FMNL1: variants seen among roughly 807,000 people sequenced by gnomAD.
The protein encoded by FMNL1 is formin like 1.
FMNL1 carries 43 observed loss-of-function variants against 121.3 expected under a neutral mutation model. The observed-to-expected ratio is 0.35, with a 90% CI of 0.28 to 0.46. The LOEUF (loss-of-function observed/expected upper bound fraction) is 0.46. Among genes scored for constraint, FMNL1 ranks in the 20% least tolerant of loss-of-function variants. FMNL1 has a pLI of 1.00. For synonymous variants in FMNL1, 613 were observed against 613.5 expected (o/e 1.00, Z 0.01); for missense variants, 1,191 against 1,482.4 (o/e 0.80, Z 3.23).
chr17:45,243,962 G>A lies in FMNL1; in HGVS notation c.2385G>A (p.Pro795=), dbSNP rs368624234. Residue 795 remains proline (P), a synonymous_variant, in exon 18 of 27, where the codon CCG becomes CCA. Transcript: ENST00000331495. ...MLCFSRIPRL[P]ERMTTLTFLG... is the part of the protein sequence containing the mutation. ...GCTTCAGCCGCATCCCGCGCCTGCCGGAGCGCATGACCACACTCACCTTCC... is the reference window on the plus strand; with the variant it reads ...GCTTCAGCCGCATCCCGCGCCTGCCAGAGCGCATGACCACACTCACCTTCC... 6 of 1,613,108 alleles carry A rather than the reference G, an allele frequency of 3.7e-6. No individual in the cohort carries two copies. The highest frequency in any genetic ancestry group is 1.7e-5 in the Admixed American group (1 of 60,004).
At chr17:45,224,157 C>T (rs1013915158) in intron 1 of FMNL1, among the ~76,000 whole-genome samples, 72 of 152,136 alleles carry the variant, frequency 4.7e-4, no homozygotes, top group African/African-American at 1.6e-3. Context: ...ACCTTCTTCC[C>T]GGGGTGGCTC....
In FMNL1 at chr17:45,243,904, A is replaced by T. The variant is rs531139502; in HGVS notation, c.2327A>T (p.Glu776Val). ...TTTGAGCGGGAGCAGCGGCCAATGG[A>T]GGAGCTGTCAGAGGAGGACCGCTTC... ...TRFEREQRPM[E>V]ELSEEDRFML... Residue 776 changes from glutamate to valine, a missense_variant, in exon 18 of 27, where the codon GAG (glutamate) becomes GTG (valine). This residue lies in a region of FMNL1 where 367 missense variants were observed against 528.6 expected (regional missense o/e 0.69). Transcript: ENST00000331495. 6.2e-7 allele frequency: 1 copy of T among 1,613,940 alleles called. No homozygotes were observed. Among genetic ancestry groups the T allele is most frequent in the Non-Finnish European group, 8.5e-7 (1 of 1,180,042 alleles).
At position 45,240,682 on chromosome 17, in the gene FMNL1, C is replaced by T. The variant is rs995792848; in HGVS notation, c.1230+57C>T. The T allele has an allele frequency of 1.4e-5, 22 of 1,565,966 alleles. No homozygotes were observed. The African/African-American group carries it at 3.0e-4, about 21-fold the overall frequency. On this transcript the variant is annotated intron_variant, in intron 12 of 26. Coordinates refer to ENST00000331495, the MANE Select transcript of FMNL1 (RefSeq NM_005892.4). Reference sequence around the variant, plus strand: ...ATCATAGGCCCACAGGGCACACGGGCCACAGGGCCACGCAAGCATGGGCAC... The same window carrying T: ...ATCATAGGCCCACAGGGCACACGGGTCACAGGGCCACGCAAGCATGGGCAC...
intron 22 of FMNL1, 49 bp downstream of exon 22, chr17:45,245,465 G>C: frequency 6.2e-7 from 1 of 1,612,892 alleles, no homozygotes. Context: ...AGGAGCACTA[G>C]ATAGCACAGC....
chr17:45,242,020 C>CT lies in FMNL1; in HGVS notation c.1759_1760insT (p.Pro587LeufsTer12). On this transcript the variant is annotated frameshift_variant, in exon 15 of 27. Transcript: ENST00000331495. LOFTEE classifies it high-confidence loss of function. ...GCCGCTGCCCGGAGACCTGCCGCCC[C>CT]CACCCCCGCCACCGCCACCACCTCC... 1.5e-6 allele frequency: 2 copies of CT among 1,346,902 alleles called. No homozygotes were observed. Among genetic ancestry groups the CT allele is most frequent in the Non-Finnish European group, 1.9e-6 (2 of 1,049,652 alleles). The allele number at this position is 1,346,902 out of a possible 1,614,324, so 83.4% of individuals were successfully genotyped here.
Position 45,241,894 on chromosome 17 carries a change from C to G in FMNL1, c.1633C>G (p.Pro545Ala). ...GGCTCCCGGAGCAGCGCCACCGCCG[C>G]CGCCCCCACTGCCCGGCCTCCCCTC... Reference protein sequence around the residue: ...EPAPGAAPPPPPPLPGLPSPQ... With the variant: ...EPAPGAAPPPAPPLPGLPSPQ... Residue 545 changes from proline to alanine, a missense_variant, in exon 15 of 27, where the codon CCG becomes GCG. By Grantham distance (27) the Pro-to-Ala change is conservative. This residue lies in a region of FMNL1 where 519 missense variants were observed against 492.8 expected (regional missense o/e 1.05). Coordinates refer to ENST00000331495, the MANE Select transcript of FMNL1 (RefSeq NM_005892.4). This position sits in a 1 kb window ranked among gnomAD's most constrained non-coding sequence, Gnocchi z 7.0. 7.0e-7 allele frequency: 1 copy of G among 1,424,632 alleles called. No homozygotes were observed. Among genetic ancestry groups the G allele is most frequent in the Non-Finnish European group, 9.1e-7 (1 of 1,097,964 alleles). The allele number at this position is 1,424,632 out of a possible 1,614,324, so 88.2% of individuals were successfully genotyped here. A position where few individuals can be genotyped will look rare whatever the true frequency, so the allele number is the denominator to read the frequency against.
In FMNL1 at chr17:45,231,944, C is replaced by T. The variant is rs771388607; in HGVS notation, c.214-423C>T. Among the ~76,000 whole-genome samples the T allele has an allele frequency of 1.3e-5, 2 of 152,182 alleles. No homozygotes were observed. Among genetic ancestry groups the T allele is most frequent in the Non-Finnish European group, 2.9e-5 (2 of 68,026 alleles). ...GACCCCTGCATAGTCCACCCCAAAG[C>T]TGTGTCAGGGCTGTGGCCTGGGAGC... is the stretch of plus-strand genomic sequence containing the variant. On this transcript the variant is annotated intron_variant, in intron 2 of 26. Transcript: ENST00000331495. This position sits in a 1 kb window ranked among gnomAD's most constrained non-coding sequence, Gnocchi z 4.7.
Position 45,244,011 on chromosome 17 carries a change from C to T in FMNL1, c.2434C>T (p.Gln812Ter). ...TFLGNFPDTA[Q>*]LLMPQLNAII... ...CCTGGGCAACTTCCCGGACACAGCC[C>T]AGCTGCTCATGCCGGTGTGGGCGGA... The change falls in exon 18 of 27, where the codon CAG (glutamine) becomes TAG (stop). Residue 812 changes from glutamine to a stop codon, truncating the protein, a stop_gained. Transcript: ENST00000331495. LOFTEE classifies it high-confidence loss of function. The T allele has an allele frequency of 6.2e-7, 1 of 1,609,750 alleles. No homozygotes were observed. Among genetic ancestry groups the T allele is most frequent in the Non-Finnish European group, 8.5e-7 (1 of 1,178,656 alleles).
Position 45,240,625 on chromosome 17 carries a change from G to A in FMNL1, c.1230G>A (p.Leu410=), listed in dbSNP as rs775600641. 1.9e-6 allele frequency: 3 copies of A among 1,612,518 alleles called. No individual in the cohort carries two copies. The Admixed American group carries it at 5.0e-5, about 27-fold the overall frequency. The change falls in exon 12 of 27, where the codon CTG becomes CTA. Residue 410 remains leucine (L), a splice_region_variant and synonymous_variant. Coordinates refer to ENST00000331495, the MANE Select transcript of FMNL1 (RefSeq NM_005892.4). The stretch of plus-strand genomic sequence containing the variant: ...AGGAACTGCAGGAGCAAGTGGCGCT[G>A]GTGAGAGTGGGTCCTGACCCCAGCC... The part of the protein sequence containing the change: ...HMEELQEQVA[L]LTERLRDAEN...
rs2043681376 is a variant in FMNL1, at chr17:45,241,159, G to C, written c.1261G>C (p.Glu421Gln). ...AGAGCGGCTTCGGGACGCGGAGAAC[G>C]AATCCATGGCCAAGATTGCAGAACT... ...LTERLRDAEN[E>Q]SMAKIAELEK... Residue 421 changes from glutamate to glutamine, a missense_variant, in exon 13 of 27, where the codon GAA (glutamate) becomes CAA (glutamine). Coordinates refer to ENST00000331495, the MANE Select transcript of FMNL1 (RefSeq NM_005892.4). This position sits in a 1 kb window ranked among gnomAD's most constrained non-coding sequence, Gnocchi z 7.0. The C allele has an allele frequency of 3.1e-6, 5 of 1,614,030 alleles. No individual in the cohort carries two copies. In the East Asian group the frequency reaches 1.1e-4, roughly 36 times the overall value.
chr17:45,236,038 T>C (rs2043541890), intron 6 of FMNL1, 98 bp from the exon 7 acceptor site: 2 of 971,564 alleles, frequency 2.1e-6, no homozygotes. Flanking sequence ...GCCGTCAGGT[T>C]CCAGATGTGC....
In FMNL1 at chr17:45,240,597, TGGA is replaced by T. The variant is rs1567967505; in HGVS notation, c.1206_1208del (p.Glu403del). ...ACCAAGAACGCTGTGCTGGAGCACATGGAGGAACTGCAGGAGCAAGTGGCGCTG... is the reference window on the plus strand; with the variant it reads ...ACCAAGAACGCTGTGCTGGAGCACATGGAACTGCAGGAGCAAGTGGCGCTG... On this transcript the variant is annotated inframe_deletion, in exon 12 of 27. Coordinates refer to ENST00000331495, the MANE Select transcript of FMNL1 (RefSeq NM_005892.4). 1.2e-6 allele frequency: 2 copies of T among 1,613,620 alleles called. No homozygotes were observed. Among genetic ancestry groups the T allele is most frequent in the Non-Finnish European group, 8.5e-7 (1 of 1,179,888 alleles).
At chr17:45,227,384 T>C (rs781745487) in intron 1 of FMNL1, among the ~76,000 whole-genome samples, 23 of 152,084 alleles carry the variant, frequency 1.5e-4, no homozygotes, top group Non-Finnish European at 2.6e-4. Context: ...TGGGGGCTGG[T>C]CTTAGGTGAG....
rs761918418 is a variant in FMNL1 at position 45,246,536 on chromosome 17, CG to C, written c.3245del (p.Gly1082AlafsTer57). On this transcript the variant is annotated frameshift_variant, in exon 26 of 27. Transcript: ENST00000331495. LOFTEE classifies it high-confidence loss of function. ...IKTVPFTART[G>X]KRTSRLLCEA... ...AGACGGTGCCCTTCACGGCCCGCACCGGCAAGCGGACATCCCGGCTCCTCTG... is the reference window on the plus strand; with the variant it reads ...AGACGGTGCCCTTCACGGCCCGCACCGCAAGCGGACATCCCGGCTCCTCTG... 1.2e-5 allele frequency: 19 copies of C among 1,613,912 alleles called. No individual in the cohort carries two copies. The highest frequency in any genetic ancestry group is 1.5e-5 in the Non-Finnish European group (18 of 1,179,776).
chr17:45,232,754 C>G (rs2043465569), intron 3 of FMNL1: 1 of 595,772 alleles, frequency 1.7e-6, no homozygotes, highest in Non-Finnish European at 3.1e-6. Flanking sequence ...TATGTCCATA[C>G]ATAGGTGTGT....
At chr17:45,238,507 A>G in intron 9 of FMNL1, 57 bp from the exon 10 acceptor site, 1 of 1,586,350 alleles carries the variant, frequency 6.3e-7, no homozygotes, top group Non-Finnish European at 8.6e-7. Flanking sequence ...TGGCAGCCAG[A>G]AGGTAGCTTA....
At chr17:45,242,190 G>A (rs1014940810) in intron 15 of FMNL1, 44 bp downstream of exon 15, 3 of 1,529,816 alleles carry the variant, frequency 2.0e-6, no homozygotes, top group Admixed American at 2.2e-5. Flanking sequence ...GGGGGGAGAT[G>A]GAGGGAGGGG....
chr17:45,243,734 T>C, intron 17 of FMNL1, 57 bp from the exon 18 acceptor site: 3 of 1,518,630 alleles, frequency 2.0e-6, no homozygotes, highest in Non-Finnish European at 2.7e-6. Context: ...GTAGCCCTGC[T>C]CCCAGGGACT....
intron 7 of FMNL1, chr17:45,236,696 T>G (rs1321305947): frequency 6.3e-6 from 1 of 157,714 alleles, no homozygotes; most frequent in South Asian, 1.7e-4. Flanking sequence ...GTGCAGTGGC[T>G]CATGCCTATA....
Sources: gnomAD v4.1 joint callset for allele counts (sites outside exome capture counted in the v4.1 genomes callset) on GRCh38, gnomAD v4.1.1 for gene constraint, gnomAD v4.1.1 regional missense constraint, Gnocchi (gnomAD v3.1) non-coding constraint, MANE v1.5 for transcripts, NCBI Gene and HGNC (gene_info 2026-07-23, HGNC 2026-07-21) for gene names.